UTRN: variants seen among roughly 807,000 people sequenced by gnomAD.
UTRN encodes utrophin.
In UTRN, 283 loss-of-function variants were observed where a neutral mutation model predicts 463.9. The observed-to-expected ratio is 0.61, with a 90% CI of 0.55 to 0.67. UTRN has a LOEUF of 0.67. Among genes scored for constraint, UTRN ranks in the 30% least tolerant of loss-of-function variants. The pLI, the probability that UTRN is intolerant of heterozygous loss-of-function variation, is 0.00. For synonymous variants in UTRN, 1,442 were observed against 1,431.5 expected, an observed-to-expected ratio of 1.01 and a Z score of -0.17; for missense variants, 3,922 against 4,084.3, an observed-to-expected ratio of 0.96 and a Z score of 1.08.
chr6:144,640,351 G>A (rs576952688), intron 51 of UTRN, among the ~76,000 whole-genome samples: 9 of 152,186 alleles, frequency 5.9e-5, no homozygotes, highest in Non-Finnish European at 1.0e-4. Flanking sequence ...AGAGAGGACC[G>A]CCAAAGTCCA....
chr6:144,514,160 T>A, intron 36 of UTRN, 123 bp downstream of exon 36: 3 of 1,330,334 alleles, frequency 2.3e-6, no homozygotes, highest in Non-Finnish European at 3.1e-6. Context: ...TCATTAACAT[T>A]TATTTTGATG....
chr6:144,561,254 T>C (rs371906512), intron 50 of UTRN, among the ~76,000 whole-genome samples: 16,196 of 54,712 alleles, frequency 0.3, 2,915 homozygotes, highest in East Asian at 0.62. Flanking sequence ...TATATATATA[T>C]ATATATACAT....
intron 65 of UTRN, among the ~76,000 whole-genome samples, chr6:144,808,389 T>C (rs1294268570): frequency 6.6e-6 from 1 of 152,126 alleles, no homozygotes; most frequent in African/African-American, 2.4e-5. Flanking sequence ...ATTTCTTTTT[T>C]ATTTATGATG....
chr6:144,409,376 G>A (rs982400650), intron 3 of UTRN, among the ~76,000 whole-genome samples: 19 of 152,204 alleles, frequency 1.2e-4, no homozygotes, highest in Admixed American at 4.6e-4. Flanking sequence ...ATTCATAATT[G>A]TGAAGCAAAT....
intron 66 of UTRN, among the ~76,000 whole-genome samples, chr6:144,822,198 A>G (rs1168030287): frequency 6.6e-6 from 1 of 152,124 alleles, no homozygotes; most frequent in Non-Finnish European, 1.5e-5. Flanking sequence ...TCTGCAGACC[A>G]AAATAGATTT....
chr6:144,482,721 T>C (rs907938057), intron 27 of UTRN, among the ~76,000 whole-genome samples: 23 of 152,136 alleles, frequency 1.5e-4, no homozygotes, highest in African/African-American at 5.3e-4. Context: ...TAGGGCCTAT[T>C]CCAGTCCAAA....
At chr6:144,518,070 C>A (rs1014587205) in intron 39 of UTRN, among the ~76,000 whole-genome samples, 2 of 152,230 alleles carry the variant, frequency 1.3e-5, no homozygotes, top group Non-Finnish European at 2.9e-5. Context: ...AGATATTGCT[C>A]TACCAGCTGC....
intron 65 of UTRN, among the ~76,000 whole-genome samples, chr6:144,809,270 A>G (rs1778405196): frequency 6.6e-6 from 1 of 152,154 alleles, no homozygotes; most frequent in South Asian, 2.1e-4. Flanking sequence ...TCACACAGAG[A>G]TGAGTAAACT....
chr6:144,601,629 A>T (rs1057036245), intron 51 of UTRN, among the ~76,000 whole-genome samples: 10 of 152,212 alleles, frequency 6.6e-5, no homozygotes, highest in African/African-American at 2.4e-4. Context: ...CCTGGTGAAG[A>T]TGCTATGAAC....
chr6:144,356,804 G>A (rs980036907), intron 2 of UTRN, among the ~76,000 whole-genome samples: 2 of 151,978 alleles, frequency 1.3e-5, no homozygotes, highest in African/African-American at 2.4e-5. Context: ...TGTCTTGGGC[G>A]ACAGAGCAAG....
At chr6:144,492,154 T>G (rs1192039390) in intron 32 of UTRN, among the ~76,000 whole-genome samples, 1 of 152,168 alleles carries the variant, frequency 6.6e-6, no homozygotes, top group African/African-American at 2.4e-5. Flanking sequence ...AATTGGTAGT[T>G]TTTCAGCTCT....
intron 25 of UTRN, among the ~76,000 whole-genome samples, chr6:144,476,805 A>G (rs541320882): frequency 2.9e-4 from 44 of 152,304 alleles, no homozygotes; most frequent in African/African-American, 1.0e-3. Flanking sequence ...GAAAAAAGTC[A>G]TAGTGGATAG....
intron 66 of UTRN, among the ~76,000 whole-genome samples, chr6:144,823,729 C>T (rs904369638): frequency 6.6e-6 from 1 of 151,908 alleles, no homozygotes; most frequent in Non-Finnish European, 1.5e-5. Flanking sequence ...AAAGAATACT[C>T]CATTGAAAAT....
chr6:144,839,189 G>C lies in UTRN; in HGVS notation c.10082G>C (p.Arg3361Pro). The C allele has an allele frequency of 6.2e-7, 1 of 1,613,946 alleles. No homozygotes were observed. Among genetic ancestry groups the C allele is most frequent in the Non-Finnish European group, 8.5e-7 (1 of 1,179,896 alleles). ...QLLEQPESDS[R>P]INGVSPWASP... ...TGGTTCCAGCCTGAATCTGATTCCC[G>C]AATCAATGGTGTTTCCCCATGGGCT... Residue 3361 changes from arginine to proline, a missense_variant, in exon 72 of 75, where the codon CGA becomes CCA. Arg to Pro is a moderately radical substitution (Grantham distance 103). Transcript: ENST00000367545.
At chr6:144,450,494 T>C (rs927514617) in intron 17 of UTRN, among the ~76,000 whole-genome samples, 2 of 152,206 alleles carry the variant, frequency 1.3e-5, no homozygotes, top group Non-Finnish European at 2.9e-5. Flanking sequence ...CATGCCCCAA[T>C]TGGATTAGAA....
intron 2 of UTRN, among the ~76,000 whole-genome samples, chr6:144,379,284 C>G (rs1375642987): frequency 1.3e-5 from 2 of 152,162 alleles, no homozygotes; most frequent in Admixed American, 1.3e-4. Context: ...GTTTCCTTGG[C>G]CAGGAATTTT....
intron 51 of UTRN, among the ~76,000 whole-genome samples, chr6:144,626,758 G>A (rs1226462216): frequency 6.6e-6 from 1 of 152,150 alleles, no homozygotes; most frequent in Non-Finnish European, 1.5e-5. Flanking sequence ...TCCTGTCTCA[G>A]CCTCCCGAGT....
At position 144,675,090 on chromosome 6, in the gene UTRN, C is replaced by A. The variant is rs113373573; in HGVS notation, c.7480-3316C>A. On this transcript the variant is annotated intron_variant, in intron 51 of 74. Transcript: ENST00000367545. ...CCCTTCTCATTTGAATAAACTGTTT[C>A]ATTGGAAAGATCTGGAACTCACGGG... Among the ~76,000 whole-genome samples the A allele has an allele frequency of 8.8e-3, 1,343 of 152,234 alleles. 12 individuals are homozygous for A. Among genetic ancestry groups the A allele is most frequent in the African/African-American group, 0.03 (1,263 of 41,518 alleles).
chr6:144,651,771 A>G (rs911613437), intron 51 of UTRN, among the ~76,000 whole-genome samples: 7 of 152,088 alleles, frequency 4.6e-5, no homozygotes, highest in African/African-American at 1.4e-4. Context: ...CGTGTTGTAA[A>G]TATCTTCTTC....
Sources: allele counts gnomAD v4.1 joint callset (sites outside exome capture counted in the v4.1 genomes callset), GRCh38; gene constraint gnomAD v4.1.1; transcripts MANE v1.5; gene names NCBI Gene and HGNC (gene_info 2026-07-23, HGNC 2026-07-21).